The following DOT1L variants were observed in gnomAD, a reference collection of about 807,000 sequenced individuals.
The protein encoded by DOT1L is DOT1 like histone lysine methyltransferase.
Under a neutral mutation model 153.3 loss-of-function variants are expected in DOT1L, and 33 were observed. The ratio of observed to expected loss-of-function variants is 0.22; its 90% CI spans 0.16 to 0.29. DOT1L has a LOEUF of 0.29. Among genes scored for constraint, DOT1L ranks in the 10% least tolerant of loss-of-function variants. The probability of loss-of-function intolerance (pLI) is 1.00; values close to 1 mark genes in which losing one functional copy is unlikely to be tolerated. For missense variants in DOT1L, 1,847 were observed against 2,119.9 expected (o/e 0.87, Z 2.53); for synonymous variants, 1,135 against 965.1 (o/e 1.18, Z -3.26).
chr19:2,188,772 G>C (rs952125694), intron 3 of DOT1L, among the ~76,000 whole-genome samples: 5 of 152,222 alleles, frequency 3.3e-5, no homozygotes, highest in Non-Finnish European at 7.4e-5. Context: ...GGGTCCAACA[G>C]ACTTGGAAGA....
At chr19:2,173,792 G>A (rs766097807) in intron 1 of DOT1L, among the ~76,000 whole-genome samples, 5 of 152,168 alleles carry the variant, frequency 3.3e-5, no homozygotes, top group East Asian at 1.9e-4. Context: ...ACTTCAAGAC[G>A]GGGTCGCTCC....
chr19:2,170,628 C>G (rs1197598050), intron 1 of DOT1L, among the ~76,000 whole-genome samples: 1 of 152,166 alleles, frequency 6.6e-6, no homozygotes, highest in Non-Finnish European at 1.5e-5. Context: ...ACTTTCCATG[C>G]CAGTTAGAGG....
rs145737296 is a variant in DOT1L, at chr19:2,180,692, A to T, written c.82-21A>T. ...GGGGTGGAGGATGGCTCTGCGTCTC[A>T]AACTTCTCTCTCTGTTTCAGGATAA... On this transcript the variant is annotated intron_variant, in intron 1 of 27. Transcript: ENST00000398665. 6.3e-4 allele frequency: 1,009 copies of T among 1,613,910 alleles called. 4 individuals carry two copies. The African/African-American group carries it at 0.012, about 20-fold the overall frequency.
In DOT1L at chr19:2,211,165, A is replaced by C. The variant is rs1333152420; in HGVS notation, c.1418A>C (p.Asn473Thr). The change falls in exon 15 of 28, where the codon AAC becomes ACC. Residue 473 changes from asparagine (N) to threonine (T), a missense_variant. Coordinates refer to ENST00000398665, the MANE Select transcript of DOT1L (RefSeq NM_032482.3). Reference sequence around the variant, plus strand: ...CCGAGCGTGCAGCGGCACTCCCCCAACCCGCTGCTGGTGGCGCCCACCCCG... The same window carrying C: ...CCGAGCGTGCAGCGGCACTCCCCCACCCCGCTGCTGGTGGCGCCCACCCCG... Reference protein sequence around the residue: ...LPPSVQRHSPNPLLVAPTPPA... With the variant: ...LPPSVQRHSPTPLLVAPTPPA... The C allele has an allele frequency of 1.2e-6, 2 of 1,611,818 alleles. No homozygotes were observed. The highest frequency in any genetic ancestry group is 3.3e-5 in the Admixed American group (2 of 59,930).
Position 2,194,865 on chromosome 19 carries a change from C to A in DOT1L, c.651+288C>A, listed in dbSNP as rs1026352213. On this transcript the variant is annotated intron_variant, in intron 7 of 27. Coordinates refer to ENST00000398665, the MANE Select transcript of DOT1L (RefSeq NM_032482.3). ...GGAATGGGCTTGGGGCTCCATGGAG[C>A]GGAGGCCTGTGGGACAGGCTGGGTT... Among the ~76,000 whole-genome samples, 3 of 152,186 alleles carry A rather than the reference C, an allele frequency of 2.0e-5. No individual in the cohort carries two copies. The East Asian group carries it at 5.8e-4, about 29-fold the overall frequency.
chr19:2,193,903 GC>G lies in DOT1L; in HGVS notation c.588+123del. On this transcript the variant is annotated intron_variant, in intron 6 of 27. Coordinates refer to ENST00000398665, the MANE Select transcript of DOT1L (RefSeq NM_032482.3). The surrounding 1 kb of genome is among the most constrained non-coding windows in gnomAD (Gnocchi z 5.9). ...CGAGTCTGGGTGGCGTTCTTTCCAGGCCCAAGACGTCTTGGTTGCCTGCAGC... is the reference window on the plus strand; with the variant it reads ...CGAGTCTGGGTGGCGTTCTTTCCAGGCCAAGACGTCTTGGTTGCCTGCAGC... 9.5e-7 allele frequency: 1 copy of G among 1,052,300 alleles called. No individual in the cohort carries two copies. Among genetic ancestry groups the G allele is most frequent in the Non-Finnish European group, 1.4e-6 (1 of 727,496 alleles). 65.2% of individuals were successfully genotyped at this position (1,052,300 alleles called of 1,614,324 possible).
intron 7 of DOT1L, among the ~76,000 whole-genome samples, chr19:2,198,497 G>A (rs1248123444): frequency 6.6e-6 from 1 of 152,224 alleles, no homozygotes; most frequent in Non-Finnish European, 1.5e-5. Flanking sequence ...GGCCCGGGGG[G>A]GTGTCCCTGT....
intron 27 of DOT1L, chr19:2,229,317 C>G: frequency 1.0e-6 from 1 of 985,478 alleles, no homozygotes; most frequent in Non-Finnish European, 1.2e-6. Context: ...CTGCTTGCCC[C>G]TGGCCTTCTG....
At chr19:2,171,759 T>C (rs944595716) in intron 1 of DOT1L, among the ~76,000 whole-genome samples, 4 of 152,200 alleles carry the variant, frequency 2.6e-5, no homozygotes, top group Non-Finnish European at 4.4e-5. Flanking sequence ...CCCCGCCCAC[T>C]GTGTCCCCCT....
chr19:2,165,144 T>G (rs1241673524), intron 1 of DOT1L, among the ~76,000 whole-genome samples: 1 of 152,112 alleles, frequency 6.6e-6, no homozygotes, highest in Non-Finnish European at 1.5e-5. Flanking sequence ...TGGGACCCTC[T>G]GGCCACGCTC....
rs183284857 is a variant in DOT1L, at chr19:2,191,598, G to A, written c.493+358G>A. On this transcript the variant is annotated intron_variant, in intron 5 of 27. Transcript: ENST00000398665. This position sits in a 1 kb window ranked among gnomAD's most constrained non-coding sequence, Gnocchi z 6.8. ...CTCGCTAGCCTGGGCCCCAGCCCGGGCCCCACCCACGGCTGCAGCCTGCCG... is the reference window on the plus strand; with the variant it reads ...CTCGCTAGCCTGGGCCCCAGCCCGGACCCCACCCACGGCTGCAGCCTGCCG... Among the ~76,000 whole-genome samples, 2 of 152,152 alleles carry A rather than the reference G, an allele frequency of 1.3e-5. No individual in the cohort carries two copies. The highest frequency in any genetic ancestry group is 2.9e-5 in the Non-Finnish European group (2 of 68,010).
chr19:2,222,835 G>T lies in DOT1L; in HGVS notation c.3390+276G>T. 2.2e-6 allele frequency: 1 copy of T among 451,744 alleles called. No individual in the cohort carries two copies. The highest frequency in any genetic ancestry group is 3.9e-6 in the Non-Finnish European group (1 of 255,898). 28.0% of individuals were successfully genotyped at this position (451,744 alleles called of 1,614,324 possible). Reference sequence around the variant, plus strand: ...GGAGGCGGGGCTTGCAGTGAACTGAGATCGGCCACTGCCTGGGCCACAGAG... The same window carrying T: ...GGAGGCGGGGCTTGCAGTGAACTGATATCGGCCACTGCCTGGGCCACAGAG... On this transcript the variant is annotated intron_variant, in intron 24 of 27. Transcript: ENST00000398665. The surrounding 1 kb of genome is among the most constrained non-coding windows in gnomAD (Gnocchi z 6.5).
At chr19:2,187,058 G>A (rs2022544053) in intron 3 of DOT1L, among the ~76,000 whole-genome samples, 1 of 152,202 alleles carries the variant, frequency 6.6e-6, no homozygotes, top group Non-Finnish European at 1.5e-5. Context: ...AGACTTGCTT[G>A]ATGATTGCCT....
In DOT1L at chr19:2,207,865, CACCA is replaced by C. The variant is rs1339254754; in HGVS notation, c.963+186_963+189del. 2.6e-5 allele frequency among the ~76,000 whole-genome samples: 4 copies of C among 152,074 alleles called. No individual in the cohort carries two copies. The highest frequency in any genetic ancestry group is 2.6e-4 in the Admixed American group (4 of 15,286). On this transcript the variant is annotated intron_variant, in intron 11 of 27. Transcript: ENST00000398665. This position sits in a 1 kb window ranked among gnomAD's most constrained non-coding sequence, Gnocchi z 4.5. ...TCAGTACTGCTTGCACCGCAGGACC[CACCA>C]GGGTCCTCCCAGGCACTGGGCGTGT...
In DOT1L at chr19:2,200,130, C is replaced by A. The variant is rs145637792; in HGVS notation, c.707+191C>A. On this transcript the variant is annotated intron_variant, in intron 8 of 27. Coordinates refer to ENST00000398665, the MANE Select transcript of DOT1L (RefSeq NM_032482.3). ...TCTGCGGGCGCGCAGAGCAGACGTG[C>A]CCAGCAGAGCCCCTGTCGGCCCTGC... Among the ~76,000 whole-genome samples, 14 of 152,242 alleles carry A rather than the reference C, an allele frequency of 9.2e-5. No homozygotes were observed. In the East Asian group the frequency reaches 2.5e-3, roughly 27 times the overall value.
At position 2,217,475 on chromosome 19, in the gene DOT1L, A is replaced by T. The variant is rs2023950284; in HGVS notation, c.2545-297A>T. On this transcript the variant is annotated intron_variant, in intron 21 of 27. Transcript: ENST00000398665. This position sits in a 1 kb window ranked among gnomAD's most constrained non-coding sequence, Gnocchi z 7.3. ...GTGACGTTGCATGGACTTGGCAGTG[A>T]TGGATGTGGGCCCTGGGAGGCTTGG... is the stretch of plus-strand genomic sequence containing the variant. Among the ~76,000 whole-genome samples the T allele has an allele frequency of 2.6e-5, 4 of 152,054 alleles. No homozygotes were observed. Among genetic ancestry groups the T allele is most frequent in the Admixed American group, 2.6e-4 (4 of 15,272 alleles).
chr19:2,181,177 G>A (rs1442495697), intron 2 of DOT1L, among the ~76,000 whole-genome samples: 1 of 152,242 alleles, frequency 6.6e-6, no homozygotes, highest in Non-Finnish European at 1.5e-5. Flanking sequence ...CTCCAGCCTG[G>A]GCTCCAGGAT....
At chr19:2,180,686 C>G in intron 1 of DOT1L, 27 bp from the exon 2 acceptor site, 1 of 1,613,486 alleles carries the variant, frequency 6.2e-7, no homozygotes, top group South Asian at 1.1e-5. Flanking sequence ...GATGGCTCTG[C>G]GTCTCAAACT....
chr19:2,227,532 C>G, intron 27 of DOT1L: 1 of 574,668 alleles, frequency 1.7e-6, no homozygotes, highest in South Asian at 1.6e-5. Context: ...GGGGAGCGGC[C>G]TGGCCCTGGG....
Sources: gnomAD v4.1 joint callset for allele counts (sites outside exome capture counted in the v4.1 genomes callset) on GRCh38, gnomAD v4.1.1 for gene constraint, Gnocchi (gnomAD v3.1) non-coding constraint, MANE v1.5 for transcripts, NCBI Gene and HGNC (gene_info 2026-07-23, HGNC 2026-07-21) for gene names.